The following CACNA1C variants were observed in gnomAD, a reference collection of about 807,000 sequenced individuals.
CACNA1C encodes the protein voltage-dependent L-type calcium channel subunit alpha-1C.
Under a neutral mutation model 229.0 loss-of-function variants are expected in CACNA1C, and 30 were observed. The ratio of observed to expected loss-of-function variants is 0.13; its 90% CI spans 0.10 to 0.18. The LOEUF (loss-of-function observed/expected upper bound fraction) is 0.18, where lower values mean the gene tolerates loss of function less well. Ranked by LOEUF, CACNA1C falls within the 10% of genes least tolerant of loss-of-function variation. CACNA1C has a pLI of 1.00. For synonymous variants in CACNA1C, 1,114 were observed against 1,132.5 expected, an observed-to-expected ratio of 0.98 and a Z score of 0.33; for missense variants, 1,658 against 2,845.0, an observed-to-expected ratio of 0.58 and a Z score of 9.49.
At chr12:2,379,850 T>C (rs974628477) in intron 3 of CACNA1C, among the ~76,000 whole-genome samples, 1 of 150,284 alleles carries the variant, frequency 6.7e-6, no homozygotes, top group South Asian at 2.1e-4. Flanking sequence ...GCTAAAACGG[T>C]GAAACCCCGT....
At chr12:2,420,011 C>T (rs532837461) in intron 3 of CACNA1C, among the ~76,000 whole-genome samples, 2 of 152,126 alleles carry the variant, frequency 1.3e-5, no homozygotes, top group African/African-American at 4.8e-5. Flanking sequence ...CCCTGCCAAG[C>T]TTTTCGTAAT....
chr12:2,665,069 C>A lies in CACNA1C; in HGVS notation c.4398+79C>A. 1 of 1,492,570 alleles carries A rather than the reference C, an allele frequency of 6.7e-7. No individual in the cohort carries two copies. Among genetic ancestry groups the A allele is most frequent in the Non-Finnish European group, 9.3e-7 (1 of 1,076,890 alleles). 92.5% of individuals were successfully genotyped at this position (1,492,570 alleles called of 1,614,324 possible). ...CAGTCTGAACCGTCCATCTCTGCAG[C>A]TCATGGTCAGGGCAACCCTATCAGA... is the stretch of plus-strand genomic sequence containing the variant. On this transcript the variant is annotated intron_variant, in intron 35 of 46. Coordinates refer to ENST00000399655, the MANE Select transcript of CACNA1C (RefSeq NM_000719.7). This position sits in a 1 kb window ranked among gnomAD's most constrained non-coding sequence, Gnocchi z 5.9.
intron 38 of CACNA1C, among the ~76,000 whole-genome samples, chr12:2,672,499 T>C (rs1271403996): frequency 2.0e-5 from 3 of 152,166 alleles, no homozygotes; most frequent in Non-Finnish European, 4.4e-5. Flanking sequence ...TCAGCAGAGT[T>C]GGTTCTTTCT....
Position 2,547,372 on chromosome 12 carries a change from C to T in CACNA1C, c.1391-2571C>T, listed in dbSNP as rs116064460. On this transcript the variant is annotated intron_variant, in intron 9 of 46. Transcript: ENST00000399655. ...AAAGCTGAGTTCCTTGTTTCTTTCT[C>T]TTGCCCGTGGCTGACTGCGTGTGCT... The T allele has an allele frequency of 1.6e-5, 12 of 740,892 alleles. No individual in the cohort carries two copies. In the African/African-American group the frequency reaches 2.1e-4, roughly 13 times the overall value. The allele number at this position is 740,892 out of a possible 1,614,324, so 45.9% of individuals were successfully genotyped here.
chr12:2,335,524 T>G (rs939314748), intron 3 of CACNA1C, among the ~76,000 whole-genome samples: 3 of 152,062 alleles, frequency 2.0e-5, no homozygotes, highest in African/African-American at 7.2e-5. Context: ...GTGGCAGCCA[T>G]CAGACAGAGC....
At chr12:2,280,925 T>C (rs2090995892) in intron 3 of CACNA1C, among the ~76,000 whole-genome samples, 1 of 152,252 alleles carries the variant, frequency 6.6e-6, no homozygotes, top group Non-Finnish European at 1.5e-5. Flanking sequence ...AATCCATTGT[T>C]TTGTTATTTT....
At chr12:2,252,004 G>A (rs1272599497) in intron 3 of CACNA1C, among the ~76,000 whole-genome samples, 4 of 152,240 alleles carry the variant, frequency 2.6e-5, no homozygotes, top group Non-Finnish European at 5.9e-5. Flanking sequence ...ACATAAAACA[G>A]CTTGAATCCT....
chr12:2,294,447 G>T (rs940639299), intron 3 of CACNA1C, among the ~76,000 whole-genome samples: 1 of 152,048 alleles, frequency 6.6e-6, no homozygotes, highest in African/African-American at 2.4e-5. Context: ...AGCTGAGCAG[G>T]CAGTCAGAAA....
intron 30 of CACNA1C, among the ~76,000 whole-genome samples, chr12:2,637,371 T>C (rs1339532054): frequency 2.0e-5 from 3 of 152,172 alleles, no homozygotes; most frequent in African/African-American, 7.2e-5. Context: ...GAGGGCCTAG[T>C]CTCCAACCAA....
intron 9 of CACNA1C, among the ~76,000 whole-genome samples, chr12:2,521,419 A>T (rs2099809705): frequency 6.6e-6 from 1 of 152,144 alleles, no homozygotes; most frequent in South Asian, 2.1e-4. Context: ...GCAGGGGCAG[A>T]GCAAACAGGC....
At chr12:2,355,671 C>T (rs143437107) in intron 3 of CACNA1C, among the ~76,000 whole-genome samples, 37 of 152,306 alleles carry the variant, frequency 2.4e-4, no homozygotes, top group African/African-American at 8.9e-4. Context: ...TTATATTTAA[C>T]TTCCTATTAC....
Position 2,403,052 on chromosome 12 carries a change from T to TG in CACNA1C, c.478-45920dup, listed in dbSNP as rs1248894807. 9.9e-5 allele frequency among the ~76,000 whole-genome samples: 15 copies of TG among 152,242 alleles called. No homozygotes were observed. Among genetic ancestry groups the TG allele is most frequent in the South Asian group, 8.3e-4 (4 of 4,826 alleles). The stretch of plus-strand genomic sequence containing the variant: ...AGTTAGGGGCATTAGAATAGCACTG[T>TG]GGGGCAGGGCAGAGGGACTTGTGTG... On this transcript the variant is annotated intron_variant, in intron 3 of 46. Transcript: ENST00000399655. The surrounding 1 kb of genome is among the most constrained non-coding windows in gnomAD (Gnocchi z 4.1).
chr12:2,404,586 C>T (rs1330285191), intron 3 of CACNA1C, among the ~76,000 whole-genome samples: 4 of 152,178 alleles, frequency 2.6e-5, no homozygotes, highest in Non-Finnish European at 4.4e-5. Context: ...GTGCACGCCT[C>T]TCCTAACATG....
intron 14 of CACNA1C, 45 bp from the exon 15 acceptor site, chr12:2,582,777 T>C (rs1486251559): frequency 1.2e-6 from 2 of 1,601,282 alleles, no homozygotes; most frequent in East Asian, 4.5e-5. Context: ...GGGTTTGCTG[T>C]TGGTCTAACG....
chr12:2,471,774 C>T (rs2099594499), intron 5 of CACNA1C, among the ~76,000 whole-genome samples: 1 of 152,188 alleles, frequency 6.6e-6, no homozygotes, highest in African/African-American at 2.4e-5. Context: ...CCTCCGCCTC[C>T]TGGGTTCAAG....
chr12:2,549,987 G>A lies in CACNA1C; in HGVS notation c.1435G>A (p.Val479Met), dbSNP rs752677964. 125 of 1,608,328 alleles carry A rather than the reference G, an allele frequency of 7.8e-5. No individual in the cohort carries two copies. The highest frequency in any genetic ancestry group is 1.0e-4 in the Non-Finnish European group (122 of 1,177,434). Residue 479 changes from valine to methionine, a missense_variant, in exon 10 of 47, where the codon GTG becomes ATG. Val to Met is a conservative substitution (Grantham distance 21). This residue lies in a region of CACNA1C where 149 missense variants were observed against 194.2 expected (regional missense o/e 0.77). Transcript: ENST00000399655. ...GACCGAGTCCGTCAACACCGAAAACGTGGCTGGAGGTGACATCGAGGGAGA... is the reference window on the plus strand; with the variant it reads ...GACCGAGTCCGTCAACACCGAAAACATGGCTGGAGGTGACATCGAGGGAGA... ...SETESVNTEN[V>M]AGGDIEGENC...
chr12:2,650,891 T>A (rs1410415042), intron 31 of CACNA1C, among the ~76,000 whole-genome samples: 1 of 151,758 alleles, frequency 6.6e-6, no homozygotes, highest in African/African-American at 2.4e-5. Flanking sequence ...CCTTCCAGGG[T>A]CTTGTACAGC....
intron 29 of CACNA1C, among the ~76,000 whole-genome samples, chr12:2,616,612 C>T (rs1006551351): frequency 3.9e-5 from 6 of 152,262 alleles, no homozygotes; most frequent in African/African-American, 1.4e-4. Context: ...CCCCATAGGG[C>T]GTGTCCCGTG....
rs60106875 is a variant in CACNA1C, at chr12:2,547,459, C to T, written c.1391-2484C>T. The T allele has an allele frequency of 1.3e-3, 1,034 of 779,644 alleles. 3 individuals carry two copies. The African/African-American group carries it at 0.016, about 12-fold the overall frequency. 48.3% of individuals were successfully genotyped at this position (779,644 alleles called of 1,614,324 possible). A position where few individuals can be genotyped will look rare whatever the true frequency, so the allele number is the denominator to read the frequency against. ...ATCTTGTCTGTGAAAGGAGGCACTC[C>T]GGCGGGCATGCTTGATCAGAAGAAA... On this transcript the variant is annotated intron_variant, in intron 9 of 46. Transcript: ENST00000399655.
Sources: allele counts gnomAD v4.1 joint callset (sites outside exome capture counted in the v4.1 genomes callset), GRCh38; gene constraint gnomAD v4.1.1; regional missense constraint gnomAD v4.1.1; non-coding constraint Gnocchi (gnomAD v3.1); transcripts MANE v1.5; gene names NCBI Gene and HGNC (gene_info 2026-07-23, HGNC 2026-07-21).